ITGAE: variants seen among roughly 807,000 people sequenced by gnomAD.
ITGAE encodes the protein integrin subunit alpha E, also known as integrin alpha-E.
Under a neutral mutation model 136.5 loss-of-function variants are expected in ITGAE, and 99 were observed. That is an observed-to-expected ratio of 0.73 (90% CI 0.62 to 0.86). The LOEUF (loss-of-function observed/expected upper bound fraction) is 0.86, where lower values mean the gene tolerates loss of function less well. Ranked by LOEUF, ITGAE falls within the 40% of genes least tolerant of loss-of-function variation. ITGAE has a pLI of 0.00. For missense variants in ITGAE, 1,447 were observed against 1,515.3 expected (o/e 0.95, Z 0.75); for synonymous variants, 613 against 591.8 (o/e 1.04, Z -0.52).
chr17:3,732,325 C>T (rs1235491455), intron 22 of ITGAE, 43 bp downstream of exon 22: 4 of 1,446,106 alleles, frequency 2.8e-6, no homozygotes, highest in Non-Finnish European at 9.7e-7. Flanking sequence ...AAGACGCCAA[C>T]TGCAGGGTGG....
chr17:3,717,039 G>T, intron 29 of ITGAE: 1 of 413,910 alleles, frequency 2.4e-6, no homozygotes. Context: ...AGAAGGGCTA[G>T]GTCTGTCAGG....
rs55775771 is a variant in ITGAE at position 3,789,725 on chromosome 17, T to C, written c.34+11386A>G. Reference sequence around the variant, plus strand: ...TCTGTTGGCCAGGCTGGTCTTGAACTCCTGATCTCAAGTAATCTGCCCCCA... The same window carrying C: ...TCTGTTGGCCAGGCTGGTCTTGAACCCCTGATCTCAAGTAATCTGCCCCCA... On this transcript the variant is annotated intron_variant, in intron 1 of 30. Coordinates refer to ENST00000263087, the MANE Select transcript of ITGAE (RefSeq NM_002208.5). Among the ~76,000 whole-genome samples the C allele has an allele frequency of 9.4e-3, 1,424 of 152,286 alleles. 16 individuals carry two copies. The highest frequency in any genetic ancestry group is 0.014 in the Admixed American group (220 of 15,282).
intron 20 of ITGAE, among the ~76,000 whole-genome samples, chr17:3,735,557 G>A (rs529246151): frequency 6.6e-6 from 1 of 152,230 alleles, no homozygotes; most frequent in South Asian, 2.1e-4. Flanking sequence ...TGATCCACCT[G>A]CCTTGGCCTC....
intron 1 of ITGAE, among the ~76,000 whole-genome samples, 185 bp from the exon 2 acceptor site, chr17:3,777,845 A>G (rs2052580098): frequency 1.3e-5 from 2 of 152,066 alleles, no homozygotes; most frequent in African/African-American, 4.8e-5. Context: ...TGATCCTCCT[A>G]CTAAACCAAG....
At chr17:3,773,785 C>A (rs1054980317) in intron 2 of ITGAE, among the ~76,000 whole-genome samples, 1 of 152,142 alleles carries the variant, frequency 6.6e-6, no homozygotes, top group South Asian at 2.1e-4. Context: ...ACCCTCTGAT[C>A]GTGCCTGGTT....
At chr17:3,743,705 C>CTTTTTTTTT (rs34843140) in intron 18 of ITGAE, 88 bp from the exon 19 acceptor site, 15 of 935,006 alleles carry the variant, frequency 1.6e-5, no homozygotes, top group African/African-American at 1.3e-4. Context: ...TTCTTTTTTT[C>CTTTTTTTTT]TTTTTTTTTT....
At chr17:3,730,454 A>AAAAAAAAATAAAAAAAAAAATAAATAAAT (rs147927266) in intron 23 of ITGAE, 2 of 147,498 alleles carry the variant, frequency 1.4e-5, no homozygotes, top group Admixed American at 1.3e-4. Context: ...TCTGTCTCAA[A>AAAAAAAAATAAAAAAAAAAATAAATAAAT]AAATAAATAA....
chr17:3,719,340 T>C (rs2472022), intron 29 of ITGAE, among the ~76,000 whole-genome samples: 20,365 of 151,424 alleles, frequency 0.13, 4,618 homozygotes, highest in African/African-American at 0.47. Flanking sequence ...TCCTTTCTCC[T>C]CCTCCAGGGA....
At chr17:3,726,410 A>T in intron 26 of ITGAE, 1 of 945,436 alleles carries the variant, frequency 1.1e-6, no homozygotes. Flanking sequence ...CTCCATCCCC[A>T]CAGGAGGGTG....
chr17:3,743,463 T>G, intron 19 of ITGAE, 26 bp downstream of exon 19: 1 of 1,561,616 alleles, frequency 6.4e-7, no homozygotes, highest in African/African-American at 1.4e-5. Context: ...TTAAGAGGGC[T>G]GGGTACTGGC....
chr17:3,763,145 G>C (rs1360805764), intron 3 of ITGAE, among the ~76,000 whole-genome samples: 1 of 152,064 alleles, frequency 6.6e-6, no homozygotes, highest in South Asian at 2.1e-4. Context: ...TACCCGCCTT[G>C]GCCTCCCAGT....
intron 2 of ITGAE, among the ~76,000 whole-genome samples, chr17:3,776,231 T>C (rs1424922411): frequency 6.6e-6 from 1 of 151,852 alleles, no homozygotes; most frequent in Non-Finnish European, 1.5e-5. Flanking sequence ...ATAATTTTTG[T>C]ATTTTTAGTA....
chr17:3,761,747 T>C (rs1486229907), intron 4 of ITGAE, among the ~76,000 whole-genome samples, 168 bp downstream of exon 4: 1 of 152,118 alleles, frequency 6.6e-6, no homozygotes, highest in Non-Finnish European at 1.5e-5. Context: ...TCAGCCCTGG[T>C]ATCAGGGTGG....
chr17:3,755,759 T>A (rs1366548282), intron 11 of ITGAE, 71 bp downstream of exon 11: 1 of 1,335,644 alleles, frequency 7.5e-7, no homozygotes, highest in East Asian at 2.5e-5. Context: ...GAGGCAGGAG[T>A]CCCTGAATCC....
Position 3,743,607 on chromosome 17 carries a change from T to C in ITGAE, c.2330A>G (p.Glu777Gly), listed in dbSNP as rs1462042928. Reference protein sequence around the residue: ...LMPTEGELCEEDCFSNASVKV... With the variant: ...LMPTEGELCEGDCFSNASVKV... ...GACACTGGCATTGGAGAAGCAGTCC[T>C]CCTCACAGAGCTGTGGGGTCACCAC... Residue 777 changes from glutamate (E) to glycine (G), a missense_variant, in exon 19 of 31, where the codon GAG becomes GGG. Around this residue, in one of 3 missense-constraint regions of ITGAE, gnomAD observed 1,031 missense variants for 1,011.4 expected, o/e 1.02. Transcript: ENST00000263087. 3.1e-6 allele frequency: 5 copies of C among 1,613,006 alleles called. No individual in the cohort carries two copies. The African/African-American group carries it at 6.7e-5, about 22-fold the overall frequency.
intron 24 of ITGAE, 190 bp downstream of exon 24, chr17:3,729,288 A>C (rs1391444520): frequency 3.5e-6 from 2 of 579,258 alleles, no homozygotes; most frequent in Non-Finnish European, 6.3e-6. Flanking sequence ...TGATGACCAC[A>C]GTGGGGTTTC....
In ITGAE at chr17:3,798,372, A is replaced by T. The variant is rs2053172507; in HGVS notation, c.34+2739T>A. 6.6e-6 allele frequency among the ~76,000 whole-genome samples: 1 copy of T among 152,122 alleles called. No individual in the cohort carries two copies. Among genetic ancestry groups the T allele is most frequent in the South Asian group, 2.1e-4 (1 of 4,834 alleles). On this transcript the variant is annotated intron_variant, in intron 1 of 30. Transcript: ENST00000263087. The surrounding 1 kb of genome is among the most constrained non-coding windows in gnomAD (Gnocchi z 4.3). ...GATTTGGGGCGGGGCTGGAAGGGAA[A>T]GCAACACCAGAGGAGACAATCTCCT...
At chr17:3,762,580 C>G (rs1053611312) in intron 3 of ITGAE, among the ~76,000 whole-genome samples, 10 of 150,278 alleles carry the variant, frequency 6.7e-5, no homozygotes, top group Admixed American at 2.0e-4. Context: ...CAGTGCCTCT[C>G]AGACAAGGAT....
At position 3,801,056 on chromosome 17, in the gene ITGAE, C is replaced by T. The variant is rs1345307043; in HGVS notation, c.34+55G>A. ...AGTCAAGGCTGTAGTCTGCAGACAC[C>T]TGGCTGGAGCTGAGGGCACAGCAGC... On this transcript the variant is annotated intron_variant, in intron 1 of 30. Transcript: ENST00000263087. 3 of 1,599,044 alleles carry T rather than the reference C, an allele frequency of 1.9e-6. No homozygotes were observed. The African/African-American group carries it at 4.0e-5, about 21-fold the overall frequency.
Sources: gnomAD v4.1 joint callset for allele counts (sites outside exome capture counted in the v4.1 genomes callset) on GRCh38, gnomAD v4.1.1 for gene constraint, gnomAD v4.1.1 regional missense constraint, Gnocchi (gnomAD v3.1) non-coding constraint, MANE v1.5 for transcripts, NCBI Gene and HGNC (gene_info 2026-07-23, HGNC 2026-07-21) for gene names.